Variants in CMKLR1 observed in about 807,000 individuals in gnomAD.
The protein encoded by CMKLR1 is chemerin chemokine-like receptor 1, also known as chemerin-like receptor 1.
Under a neutral mutation model 8.2 loss-of-function variants are expected in CMKLR1, and 6 were observed. The ratio of observed to expected loss-of-function variants is 0.73; its 90% CI spans 0.40 to 1.44. CMKLR1 has a LOEUF of 1.44. CMKLR1 is among the 40% of genes most tolerant of loss of function. The probability of loss-of-function intolerance (pLI) is 0.02; values close to 1 mark genes in which losing one functional copy is unlikely to be tolerated. For synonymous variants in CMKLR1, 178 were observed against 181.2 expected, an observed-to-expected ratio of 0.98 and a Z score of 0.14; for missense variants, 429 against 478.0, an observed-to-expected ratio of 0.90 and a Z score of 0.96.
intron 2 of CMKLR1, among the ~76,000 whole-genome samples, chr12:108,310,803 C>T (rs761389988): frequency 6.6e-6 from 1 of 152,178 alleles, no homozygotes; most frequent in Non-Finnish European, 1.5e-5. Flanking sequence ...AGTCCCCCAT[C>T]CCCGGGCCTC....
chr12:108,317,667 A>T (rs533567306), intron 2 of CMKLR1, among the ~76,000 whole-genome samples: 1 of 152,384 alleles, frequency 6.6e-6, no homozygotes, highest in African/African-American at 2.4e-5. Context: ...TACAACACAC[A>T]TACTATTCAC....
At chr12:108,317,035 T>G (rs1891752393) in intron 2 of CMKLR1, among the ~76,000 whole-genome samples, 1 of 152,160 alleles carries the variant, frequency 6.6e-6, no homozygotes, top group Non-Finnish European at 1.5e-5. Context: ...ACTCCTGGAC[T>G]CAAGTGATCC....
rs2137289835 is a variant in CMKLR1, at chr12:108,291,705, T to C, written c.*136A>G. 2.3e-6 allele frequency: 2 copies of C among 882,460 alleles called. No homozygotes were observed. Among genetic ancestry groups the C allele is most frequent in the African/African-American group, 1.7e-5 (1 of 59,532 alleles). 54.7% of individuals were successfully genotyped at this position (882,460 alleles called of 1,614,324 possible). A position where few individuals can be genotyped will look rare whatever the true frequency, so the allele number is the denominator to read the frequency against. ...GGTTCCAGGCCCTAGATTCCCAGCA[T>C]AAAACACTGTTCATCCCATGCAAAA... On this transcript the variant is annotated 3_prime_UTR_variant, in exon 4 of 4. Transcript: ENST00000550402.
In CMKLR1 at chr12:108,290,520, CAG is replaced by C. The variant is rs1284671309; in HGVS notation, c.*1319_*1320del. 6.6e-6 allele frequency: 1 copy of C among 152,208 alleles called. No homozygotes were observed. Among genetic ancestry groups the C allele is most frequent in the East Asian group, 1.9e-4 (1 of 5,194 alleles). The allele number at this position is 152,208 out of a possible 1,614,324, so 9.4% of individuals were successfully genotyped here. On this transcript the variant is annotated 3_prime_UTR_variant, in exon 4 of 4. Transcript: ENST00000550402. ...CACAGATAAATTCCAAATAGAAGAACAGAGTTTCTGGAGCCAGACGGAGCCAG... is the reference window on the plus strand; with the variant it reads ...CACAGATAAATTCCAAATAGAAGAACAGTTTCTGGAGCCAGACGGAGCCAG...
chr12:108,291,784 C>T lies in CMKLR1; in HGVS notation c.*57G>A. 2 of 1,524,244 alleles carry T rather than the reference C, an allele frequency of 1.3e-6. No homozygotes were observed. Among genetic ancestry groups the T allele is most frequent in the East Asian group, 2.3e-5 (1 of 44,360 alleles). The allele number at this position is 1,524,244 out of a possible 1,614,324, so 94.4% of individuals were successfully genotyped here. A position where few individuals can be genotyped will look rare whatever the true frequency, so the allele number is the denominator to read the frequency against. On this transcript the variant is annotated 3_prime_UTR_variant, in exon 4 of 4. Transcript: ENST00000550402. ...GGTTCTTGCCTTGATCTTCAGAAGACATATCCTTGGGTGTCCCTGGGTTGA... is the reference window on the plus strand; with the variant it reads ...GGTTCTTGCCTTGATCTTCAGAAGATATATCCTTGGGTGTCCCTGGGTTGA...
chr12:108,325,031 A>G (rs1891949881), intron 2 of CMKLR1, among the ~76,000 whole-genome samples: 1 of 152,182 alleles, frequency 6.6e-6, no homozygotes, highest in East Asian at 1.9e-4. Context: ...AGCACTTGCT[A>G]CAGAAGAAAG....
chr12:108,295,289 G>A (rs919697792), intron 2 of CMKLR1, among the ~76,000 whole-genome samples: 1 of 152,226 alleles, frequency 6.6e-6, no homozygotes, highest in Non-Finnish European at 1.5e-5. Context: ...ATGCAGGCAG[G>A]GGCTGGAAGA....
At chr12:108,303,712 T>C (rs1891335562) in intron 2 of CMKLR1, among the ~76,000 whole-genome samples, 1 of 152,216 alleles carries the variant, frequency 6.6e-6, no homozygotes, top group Admixed American at 6.5e-5. Flanking sequence ...AAAATCAATC[T>C]GGCAAGATTC....
At chr12:108,293,550 C>T (rs1433542741) in intron 3 of CMKLR1, 39 bp downstream of exon 3, 1 of 1,551,238 alleles carries the variant, frequency 6.4e-7, no homozygotes, top group South Asian at 1.2e-5. Context: ...TCAGTGGTCA[C>T]TGGTGCCCTT....
At chr12:108,335,755 C>T (rs1234801947) in intron 1 of CMKLR1, among the ~76,000 whole-genome samples, 1 of 152,226 alleles carries the variant, frequency 6.6e-6, no homozygotes, top group Non-Finnish European at 1.5e-5. Context: ...AGAGGCCCTT[C>T]AGCAACAAGA....
chr12:108,332,064 A>G (rs548225380), intron 1 of CMKLR1, among the ~76,000 whole-genome samples: 1 of 152,348 alleles, frequency 6.6e-6, no homozygotes, highest in South Asian at 2.1e-4. Context: ...AAACCAATTC[A>G]GGTAACAAAG....
chr12:108,293,875 A>G (rs1192215593), intron 2 of CMKLR1, among the ~76,000 whole-genome samples: 1 of 152,188 alleles, frequency 6.6e-6, no homozygotes. Context: ...GACTCTTCCC[A>G]GGTCAAGTGC....
chr12:108,304,006 C>G (rs138831310), intron 2 of CMKLR1, among the ~76,000 whole-genome samples: 17 of 152,370 alleles, frequency 1.1e-4, no homozygotes, highest in African/African-American at 3.8e-4. Flanking sequence ...TGCAAGGTCA[C>G]TGGTATCAGT....
At chr12:108,303,580 C>T (rs970210390) in intron 2 of CMKLR1, among the ~76,000 whole-genome samples, 2 of 152,200 alleles carry the variant, frequency 1.3e-5, no homozygotes, top group Admixed American at 6.5e-5. Flanking sequence ...TGCTCAGAGA[C>T]AGGCTTCAAG....
intron 2 of CMKLR1, among the ~76,000 whole-genome samples, chr12:108,305,761 G>A (rs1348786723): frequency 6.6e-6 from 1 of 152,222 alleles, no homozygotes; most frequent in Non-Finnish European, 1.5e-5. Context: ...ACATGTGGGA[G>A]CTCGCACTGA....
At chr12:108,296,525 G>C in intron 2 of CMKLR1, among the ~76,000 whole-genome samples, 1 of 152,134 alleles carries the variant, frequency 6.6e-6, no homozygotes, top group East Asian at 1.9e-4. Flanking sequence ...ATCAAGGGCA[G>C]GTCAGAAAGG....
chr12:108,335,930 G>A (rs562059390), intron 1 of CMKLR1, among the ~76,000 whole-genome samples: 129 of 152,206 alleles, frequency 8.5e-4, no homozygotes, highest in Non-Finnish European at 1.3e-3. Context: ...TTGCTAACAC[G>A]ATCTGACTTT....
chr12:108,308,396 C>G (rs1202052528), intron 2 of CMKLR1, among the ~76,000 whole-genome samples: 1 of 152,210 alleles, frequency 6.6e-6, no homozygotes, highest in East Asian at 1.9e-4. Flanking sequence ...AGGACACAAG[C>G]CCCTTCCCAG....
At chr12:108,328,278 C>T (rs1045742227) in intron 2 of CMKLR1, among the ~76,000 whole-genome samples, 4 of 152,182 alleles carry the variant, frequency 2.6e-5, no homozygotes, top group South Asian at 2.1e-4. Flanking sequence ...TGCCTACAAC[C>T]GGCATTTCTT....
Sources: gnomAD v4.1 joint callset for allele counts (sites outside exome capture counted in the v4.1 genomes callset) on GRCh38, gnomAD v4.1.1 for gene constraint, MANE v1.5 for transcripts, NCBI Gene and HGNC (gene_info 2026-07-23, HGNC 2026-07-21) for gene names.